RGS12: variants seen among roughly 807,000 people sequenced by gnomAD.
RGS12 encodes regulator of G protein signaling 12.
Under a neutral mutation model 120.1 loss-of-function variants are expected in RGS12, and 66 were observed. That is an observed-to-expected ratio of 0.55 (90% confidence interval 0.45 to 0.67). RGS12 has a LOEUF of 0.67. Ranked by LOEUF, RGS12 falls within the 30% of genes least tolerant of loss-of-function variation. RGS12 has a pLI of 0.00. For synonymous variants in RGS12, 827 were observed against 804.7 expected (o/e 1.03, Z -0.47); for missense variants, 1,859 against 1,957.7 (o/e 0.95, Z 0.95).
chr4:3,386,103 G>C, intron 3 of RGS12: 1 of 415,220 alleles, frequency 2.4e-6, no homozygotes. Context: ...TACAGGGCAT[G>C]ATGCTACTGA....
At chr4:3,340,647 G>A (rs536001043) in intron 2 of RGS12, among the ~76,000 whole-genome samples, 1 of 152,340 alleles carries the variant, frequency 6.6e-6, no homozygotes, top group African/African-American at 2.4e-5. Flanking sequence ...CCACATCTGT[G>A]TCCTAATGGG....
chr4:3,300,542 G>C (rs975958053), intron 1 of RGS12, among the ~76,000 whole-genome samples: 1 of 152,216 alleles, frequency 6.6e-6, no homozygotes, highest in Non-Finnish European at 1.5e-5. Flanking sequence ...CCAGCGAGGG[G>C]CTAGCCCAGT....
At chr4:3,409,981 G>C (rs1218087425) in intron 4 of RGS12, among the ~76,000 whole-genome samples, 3 of 152,330 alleles carry the variant, frequency 2.0e-5, no homozygotes, top group Non-Finnish European at 4.4e-5. Context: ...TCCCTGCTCT[G>C]CCCAGCTCAG....
chr4:3,431,025 G>A, intron 17 of RGS12, 70 bp downstream of exon 17: 1 of 1,559,490 alleles, frequency 6.4e-7, no homozygotes, highest in Non-Finnish European at 8.6e-7. Flanking sequence ...AGTCAGAAAG[G>A]ACAGTGGGCC....
At chr4:3,436,288 C>G (rs1724800856) in intron 17 of RGS12, among the ~76,000 whole-genome samples, 2 of 152,126 alleles carry the variant, frequency 1.3e-5, no homozygotes, top group Non-Finnish European at 2.9e-5. Context: ...ATTGTAGGGT[C>G]CCCGCCTCTG....
intron 4 of RGS12, among the ~76,000 whole-genome samples, chr4:3,391,664 G>A (rs538561557): frequency 1.3e-5 from 2 of 152,224 alleles, no homozygotes; most frequent in Non-Finnish European, 2.9e-5. Context: ...CTAGGCGTGA[G>A]AAGCAGTGTC....
intron 3 of RGS12, among the ~76,000 whole-genome samples, chr4:3,382,069 C>G (rs898199456): frequency 2.6e-5 from 4 of 152,220 alleles, no homozygotes; most frequent in Admixed American, 6.5e-5. Context: ...GGGCGGTTGA[C>G]TGCTGTTAGC....
At chr4:3,380,698 CT>C (rs1283254471) in intron 3 of RGS12, among the ~76,000 whole-genome samples, 1 of 152,198 alleles carries the variant, frequency 6.6e-6, no homozygotes, top group Non-Finnish European at 1.5e-5. Context: ...ACGTTAGCCC[CT>C]TTTATCCATG....
intron 3 of RGS12, among the ~76,000 whole-genome samples, chr4:3,345,775 T>A (rs1389005050): frequency 6.6e-6 from 1 of 152,204 alleles, no homozygotes; most frequent in Non-Finnish European, 1.5e-5. Context: ...AGAGTGAAAT[T>A]AATAATAATA....
intron 16 of RGS12, 149 bp downstream of exon 16, chr4:3,428,860 T>G: frequency 1.4e-6 from 1 of 701,476 alleles, no homozygotes; most frequent in Non-Finnish European, 2.3e-6. Flanking sequence ...GGGGGCAGTC[T>G]GTGGGCTGTT....
At chr4:3,347,260 T>G (rs1277661590) in intron 3 of RGS12, among the ~76,000 whole-genome samples, 2 of 152,024 alleles carry the variant, frequency 1.3e-5, no homozygotes, top group African/African-American at 4.8e-5. Context: ...CTGGCTAACG[T>G]GGTGAGACCC....
chr4:3,373,430 A>G (rs1717264891), intron 3 of RGS12, among the ~76,000 whole-genome samples: 1 of 151,894 alleles, frequency 6.6e-6, no homozygotes, highest in Non-Finnish European at 1.5e-5. Flanking sequence ...GTCTGTGGAC[A>G]CCTCTGCTGG....
chr4:3,291,456 CCTGACT>C (rs1723017843), upstream of RGS12, among the ~76,000 whole-genome samples: 1 of 151,330 alleles, frequency 6.6e-6, no homozygotes, highest in African/African-American at 2.4e-5. Context: ...AAGTGATTCT[CCTGACT>C]CTGCCTCCCA....
At chr4:3,416,419 C>T (rs1052319385) in intron 7 of RGS12, among the ~76,000 whole-genome samples, 4 of 152,158 alleles carry the variant, frequency 2.6e-5, no homozygotes, top group African/African-American at 9.7e-5. Flanking sequence ...TCACACCTGC[C>T]TGGGGGATGG....
chr4:3,371,460 G>C (rs1385010124), intron 3 of RGS12, among the ~76,000 whole-genome samples: 2 of 152,204 alleles, frequency 1.3e-5, no homozygotes, highest in African/African-American at 4.8e-5. Context: ...GCAAGGTGTA[G>C]AAAATTTTGT....
intron 9 of RGS12, 40 bp downstream of exon 9, chr4:3,417,581 G>T: frequency 6.2e-7 from 1 of 1,600,270 alleles, no homozygotes; most frequent in South Asian, 1.1e-5. Flanking sequence ...TCCAGGCCAG[G>T]CAGCCGCGTC....
chr4:3,343,034 G>C lies in RGS12; in HGVS notation c.1979G>C (p.Arg660Pro). 6.2e-7 allele frequency: 1 copy of C among 1,608,868 alleles called. No individual in the cohort carries two copies. The highest frequency in any genetic ancestry group is 8.5e-7 in the Non-Finnish European group (1 of 1,175,542). ...AGATCCAAGAGATTCAGTATCACTC[G>C]CTCCCTTGATGATCTTGAGGTAATT... ...FGRSKRFSIT[R>P]SLDDLESATV... Residue 660 changes from arginine (R) to proline (P), a missense_variant, in exon 3 of 18, where the codon CGC becomes CCC. Coordinates refer to ENST00000336727, the MANE Select transcript of RGS12 (RefSeq NM_001394154.1).
At chr4:3,309,467 G>T (rs369043362) in intron 1 of RGS12, among the ~76,000 whole-genome samples, 50 of 122,192 alleles carry the variant, frequency 4.1e-4, no homozygotes, top group Non-Finnish European at 5.3e-4. Flanking sequence ...GCAGGTGTCC[G>T]CTGAGGGGAA....
At chr4:3,414,431 G>A in intron 5 of RGS12, 190 bp downstream of exon 5, 1 of 671,666 alleles carries the variant, frequency 1.5e-6, no homozygotes, top group Non-Finnish European at 2.5e-6. Context: ...TCCTGCCCCT[G>A]GTTCTGCCCC....
Sources: gnomAD v4.1 joint callset for allele counts (sites outside exome capture counted in the v4.1 genomes callset) on GRCh38, gnomAD v4.1.1 for gene constraint, MANE v1.5 for transcripts, NCBI Gene and HGNC (gene_info 2026-07-23, HGNC 2026-07-21) for gene names.